Variants in WDFY4 observed in about 807,000 individuals in gnomAD.
WDFY4 encodes WD repeat- and FYVE domain-containing protein 4.
WDFY4 carries 169 observed loss-of-function variants against 351.9 expected under a neutral mutation model. That is an observed-to-expected ratio of 0.48 (90% CI 0.42 to 0.55). WDFY4 has a LOEUF of 0.55. Among genes scored for constraint, WDFY4 ranks in the 20% least tolerant of loss-of-function variants. The probability of loss-of-function intolerance (pLI) is 0.00; values close to 1 mark genes in which losing one functional copy is unlikely to be tolerated. For synonymous variants in WDFY4, 1,622 were observed against 1,574.6 expected, an observed-to-expected ratio of 1.03 and a Z score of -0.71; for missense variants, 3,803 against 3,935.6, an observed-to-expected ratio of 0.97 and a Z score of 0.90.
At chr10:48,746,295 T>A (rs2065013430) in intron 12 of WDFY4, among the ~76,000 whole-genome samples, 1 of 152,270 alleles carries the variant, frequency 6.6e-6, no homozygotes, top group Admixed American at 6.5e-5. Flanking sequence ...TTATGGAGTC[T>A]AAATTTTTAT....
At chr10:48,740,038 T>G (rs1384902874) in intron 11 of WDFY4, among the ~76,000 whole-genome samples, 1 of 152,204 alleles carries the variant, frequency 6.6e-6, no homozygotes. Flanking sequence ...TCATTCTCCC[T>G]TCCTGATGTT....
chr10:48,793,492 GT>G (rs1360226004), intron 23 of WDFY4, among the ~76,000 whole-genome samples: 1 of 152,032 alleles, frequency 6.6e-6, no homozygotes, highest in African/African-American at 2.4e-5. Context: ...TTTTGCTTTT[GT>G]TTTTTTAAAC....
At position 48,796,339 on chromosome 10, in the gene WDFY4, C is replaced by A. The variant is rs2066874903; in HGVS notation, c.4299C>A (p.Asn1433Lys). The change falls in exon 24 of 62, where the codon AAC becomes AAA. Residue 1433 changes from asparagine to lysine, a missense_variant. Coordinates refer to ENST00000325239, the MANE Select transcript of WDFY4 (RefSeq NM_001394531.1). Reference sequence around the variant, plus strand: ...TGAGGAAGAAGGCCTCTCTCCTGAACCATCGAATTTTTCAGCTGATCCTCT... The same window carrying A: ...TGAGGAAGAAGGCCTCTCTCCTGAAACATCGAATTTTTCAGCTGATCCTCT... ...FLLRKKASLLNHRIFQLILSV... is the reference protein window; with the variant it reads ...FLLRKKASLLKHRIFQLILSV... 1 of 1,552,222 alleles carries A rather than the reference C, an allele frequency of 6.4e-7. No homozygotes were observed. Among genetic ancestry groups the A allele is most frequent in the Non-Finnish European group, 8.7e-7 (1 of 1,147,134 alleles).
At chr10:48,772,050 A>G (rs1040488046) in intron 13 of WDFY4, among the ~76,000 whole-genome samples, 2 of 152,152 alleles carry the variant, frequency 1.3e-5, no homozygotes, top group African/African-American at 4.8e-5. Flanking sequence ...GAAACTACAA[A>G]CTGCGGCAAA....
intron 46 of WDFY4, among the ~76,000 whole-genome samples, 168 bp from the exon 47 acceptor site, chr10:48,901,633 G>A (rs1348207738): frequency 6.6e-6 from 1 of 152,206 alleles, no homozygotes; most frequent in Non-Finnish European, 1.5e-5. Flanking sequence ...GAGTGCTGAG[G>A]GTTGCCTCAG....
At chr10:48,960,874 G>A (rs1841827432) in intron 53 of WDFY4, among the ~76,000 whole-genome samples, 1 of 152,178 alleles carries the variant, frequency 6.6e-6, no homozygotes, top group Non-Finnish European at 1.5e-5. Context: ...GTGACATTTA[G>A]AGGCAAACTA....
chr10:48,807,877 G>C lies in WDFY4; in HGVS notation c.4757G>C (p.Gly1586Ala). The change falls in exon 28 of 62, where the codon GGA becomes GCA. Residue 1586 changes from glycine (G) to alanine (A), a missense_variant. By Grantham distance (60) the Gly-to-Ala change is moderately conservative (BLOSUM62 0). This residue lies in a region of WDFY4 where 3,054 missense variants were observed against 3,148.6 expected (regional missense o/e 0.97). Coordinates refer to ENST00000325239, the MANE Select transcript of WDFY4 (RefSeq NM_001394531.1). The part of the protein sequence containing the change: ...PSLPAGSQTS[G>A]KTIWLRNQLL... ...TTTGTAGCTGGAAGCCAAACATCTGGAAAGACAATCTGGCTCAGAAACCAG... is the reference window on the plus strand; with the variant it reads ...TTTGTAGCTGGAAGCCAAACATCTGCAAAGACAATCTGGCTCAGAAACCAG... 1.3e-6 allele frequency: 2 copies of C among 1,551,616 alleles called. No homozygotes were observed. Among genetic ancestry groups the C allele is most frequent in the South Asian group, 2.4e-5 (2 of 84,050 alleles).
intron 24 of WDFY4, among the ~76,000 whole-genome samples, chr10:48,802,425 G>C (rs1306327839): frequency 6.6e-6 from 1 of 152,116 alleles, no homozygotes; most frequent in Non-Finnish European, 1.5e-5. Flanking sequence ...GGCACCTCTT[G>C]CCACCAGGAA....
At chr10:48,965,588 C>T (rs541592252) in intron 54 of WDFY4, among the ~76,000 whole-genome samples, 3 of 152,310 alleles carry the variant, frequency 2.0e-5, no homozygotes, top group East Asian at 3.9e-4. Flanking sequence ...AGCTGCCCAT[C>T]GAACTGGAGC....
intron 19 of WDFY4, among the ~76,000 whole-genome samples, chr10:48,783,711 T>C (rs2066302128): frequency 6.6e-6 from 1 of 152,202 alleles, no homozygotes; most frequent in South Asian, 2.1e-4. Flanking sequence ...TCTTGTATAC[T>C]GCTTAGTTCA....
chr10:48,909,177 A>C (rs1383655136), intron 47 of WDFY4, among the ~76,000 whole-genome samples: 6 of 152,218 alleles, frequency 3.9e-5, no homozygotes, highest in Non-Finnish European at 8.8e-5. Context: ...GCATTGAGCA[A>C]AATTTGGTTG....
At chr10:48,696,641 T>A (rs1167596864) in intron 1 of WDFY4, among the ~76,000 whole-genome samples, 1 of 152,224 alleles carries the variant, frequency 6.6e-6, no homozygotes, top group Non-Finnish European at 1.5e-5. Flanking sequence ...AGGCTGGGAC[T>A]AGGGCAGCTG....
At chr10:48,900,110 G>C (rs1837281372) in intron 45 of WDFY4, 111 bp from the exon 46 acceptor site, 1 of 875,474 alleles carries the variant, frequency 1.1e-6, no homozygotes, top group Non-Finnish European at 1.7e-6. Flanking sequence ...GACCCAGGAA[G>C]GGTCTTCTGA....
intron 39 of WDFY4, among the ~76,000 whole-genome samples, chr10:48,851,534 C>T (rs1283672041): frequency 6.6e-6 from 1 of 152,174 alleles, no homozygotes; most frequent in Non-Finnish European, 1.5e-5. Context: ...ACATGTAGTG[C>T]GTGGCTGAAG....
intron 22 of WDFY4, among the ~76,000 whole-genome samples, chr10:48,790,205 C>G (rs999869462): frequency 6.6e-6 from 1 of 152,190 alleles, no homozygotes; most frequent in African/African-American, 2.4e-5. Context: ...GTGGTGAGCT[C>G]AGCTACTAAC....
chr10:48,710,032 A>G (rs2063728836), intron 2 of WDFY4, 66 bp downstream of exon 2: 1 of 1,393,876 alleles, frequency 7.2e-7, no homozygotes, highest in Non-Finnish European at 9.6e-7. Context: ...GGATGATTGC[A>G]TAGTGAAGTT....
chr10:48,726,944 G>A (rs1033561019), intron 6 of WDFY4, among the ~76,000 whole-genome samples: 1 of 152,134 alleles, frequency 6.6e-6, no homozygotes, highest in African/African-American at 2.4e-5. Flanking sequence ...GGGGTAGCCA[G>A]TAAGCCCCAT....
intron 40 of WDFY4, among the ~76,000 whole-genome samples, chr10:48,867,899 C>T (rs555575212): frequency 8.3e-4 from 127 of 152,294 alleles, no homozygotes; most frequent in African/African-American, 3.0e-3. Context: ...GTCCCAAAGA[C>T]AGTGTGAAGT....
rs534393460 is a variant in WDFY4 at position 48,810,666 on chromosome 10, C to T, written c.4975C>T (p.Arg1659Trp). The T allele has an allele frequency of 4.8e-5, 75 of 1,551,644 alleles. No homozygotes were observed. In the East Asian group the frequency reaches 6.1e-4, roughly 13 times the overall value. The change falls in exon 29 of 62, where the codon CGG (arginine) becomes TGG (tryptophan). Residue 1659 changes from arginine to tryptophan, a missense_variant. Transcript: ENST00000325239. ...YFLASPSLRT[R>W]FRDGLCAGSW... ...TCTGGCAAGCCCCTCCCTCCGCACA[C>T]GGTTTAGAGATGGCCTGTGTGCAGG...
Sources: gnomAD v4.1 joint callset for allele counts (sites outside exome capture counted in the v4.1 genomes callset) on GRCh38, gnomAD v4.1.1 for gene constraint, gnomAD v4.1.1 regional missense constraint, MANE v1.5 for transcripts, NCBI Gene and HGNC (gene_info 2026-07-23, HGNC 2026-07-21) for gene names.